Variants in PRKG1 observed in about 807,000 individuals in gnomAD.
PRKG1 encodes cGMP-dependent protein kinase 1.
Under a neutral mutation model 88.1 loss-of-function variants are expected in PRKG1, and 35 were observed. That is an observed-to-expected ratio of 0.40 (90% CI 0.30 to 0.53). The LOEUF (loss-of-function observed/expected upper bound fraction) is 0.53. PRKG1 is among the 20% of genes least tolerant of loss of function. The probability of loss-of-function intolerance (pLI) is 0.59; values close to 1 mark genes in which losing one functional copy is unlikely to be tolerated. For missense variants in PRKG1, 540 were observed against 839.8 expected (o/e 0.64, Z 4.41); for synonymous variants, 303 against 292.5 (o/e 1.04, Z -0.37).
Position 51,569,533 on chromosome 10 carries a change from G to T in PRKG1, c.592+101697G>T, listed in dbSNP as rs144538457. On this transcript the variant is annotated intron_variant, in intron 3 of 17. Coordinates refer to ENST00000373980, the MANE Select transcript of PRKG1 (RefSeq NM_006258.4). ...AAATGCTTTGTGTACTAAGCACTCG[G>T]ATGAGTACTTTATATACTTTATCTT... Among the ~76,000 whole-genome samples the T allele has an allele frequency of 2.0e-3, 306 of 152,108 alleles. 2 individuals carry two copies. The highest frequency in any genetic ancestry group is 7.1e-3 in the African/African-American group (293 of 41,516).
chr10:52,032,978 G>C (rs1845507843), intron 5 of PRKG1, among the ~76,000 whole-genome samples: 1 of 152,180 alleles, frequency 6.6e-6, no homozygotes, highest in African/African-American at 2.4e-5. Context: ...AAAGATAGTT[G>C]TCAGGGTATC....
chr10:52,004,725 A>C (rs1024662141), intron 5 of PRKG1, among the ~76,000 whole-genome samples: 1 of 152,132 alleles, frequency 6.6e-6, no homozygotes, highest in Non-Finnish European at 1.5e-5. Flanking sequence ...ATTTGCTGCT[A>C]TTGTTACCAT....
chr10:51,553,076 A>G (rs964092670), intron 3 of PRKG1, among the ~76,000 whole-genome samples: 14 of 151,704 alleles, frequency 9.2e-5, no homozygotes, highest in African/African-American at 3.1e-4. Context: ...TGCAACTCAT[A>G]TAATACCAGA....
intron 7 of PRKG1, among the ~76,000 whole-genome samples, chr10:52,093,691 C>G (rs949275383): frequency 6.6e-6 from 1 of 152,152 alleles, no homozygotes; most frequent in African/African-American, 2.4e-5. Context: ...TGCAAATAAT[C>G]ACCTCTGTTT....
intron 2 of PRKG1, among the ~76,000 whole-genome samples, chr10:51,398,969 G>C (rs533832101): frequency 6.6e-6 from 1 of 152,080 alleles, no homozygotes; most frequent in Non-Finnish European, 1.5e-5. Context: ...AGTTCCTCTG[G>C]TTCTCAAGCC....
intron 8 of PRKG1, 146 bp from the exon 9 acceptor site, chr10:52,161,743 A>G: frequency 1.5e-6 from 1 of 684,328 alleles, no homozygotes; most frequent in Non-Finnish European, 2.5e-6. Context: ...AAAATGTCTG[A>G]CATGCTTCTT....
chr10:51,925,215 T>TGTC (rs1842548638), intron 5 of PRKG1, among the ~76,000 whole-genome samples: 1 of 151,270 alleles, frequency 6.6e-6, no homozygotes. Context: ...TTTTGTCTGT[T>TGTC]TGGCAAGAAG....
At chr10:52,080,253 G>C (rs1442617552) in intron 7 of PRKG1, among the ~76,000 whole-genome samples, 2 of 151,940 alleles carry the variant, frequency 1.3e-5, no homozygotes. Context: ...CCACTTATAA[G>C]GTCCTGCTCA....
In PRKG1 at chr10:51,578,980, G is replaced by GTTTTTTTTTTTTTTTTTTTTT. The variant is rs752412264; in HGVS notation, c.592+111152_592+111172dup. ...GAAGAGTTTGGAATAAGTTCTGTTG[G>GTTTTTTTTTTTTTTTTTTTTT]TTTTTTTTTTTTTTTTTTTTTTTTT... On this transcript the variant is annotated intron_variant, in intron 3 of 17. Coordinates refer to ENST00000373980, the MANE Select transcript of PRKG1 (RefSeq NM_006258.4). Among the ~76,000 whole-genome samples the GTTTTTTTTTTTTTTTTTTTTT allele has an allele frequency of 2.4e-4, 19 of 77,824 alleles. 4 individuals carry two copies. The highest frequency in any genetic ancestry group is 3.7e-4 in the African/African-American group (7 of 18,896). The allele number at this position is 77,824 out of a possible 152,430, so 51.1% of individuals were successfully genotyped here.
chr10:51,547,075 C>G (rs1842459778), intron 3 of PRKG1, among the ~76,000 whole-genome samples: 1 of 151,986 alleles, frequency 6.6e-6, no homozygotes, highest in South Asian at 2.1e-4. Context: ...GCAGTAACCA[C>G]CCTGAAAACA....
intron 9 of PRKG1, among the ~76,000 whole-genome samples, chr10:52,171,325 G>T (rs1321766006): frequency 6.6e-6 from 1 of 152,054 alleles, no homozygotes; most frequent in Non-Finnish European, 1.5e-5. Context: ...AAATGGGAAC[G>T]ATATGTCAAT....
chr10:51,619,877 C>G (rs1839161994), intron 3 of PRKG1, among the ~76,000 whole-genome samples: 1 of 152,080 alleles, frequency 6.6e-6, no homozygotes, highest in Non-Finnish European at 1.5e-5. Flanking sequence ...TCTAGTAAGA[C>G]ATTGCTAGAG....
At chr10:52,177,037 G>C (rs1306932335) in intron 9 of PRKG1, among the ~76,000 whole-genome samples, 1 of 151,976 alleles carries the variant, frequency 6.6e-6, no homozygotes, top group African/African-American at 2.4e-5. Context: ...GCTCTGGCTA[G>C]GACTTCCAGT....
intron 5 of PRKG1, chr10:51,909,683 A>C (rs1842172917): frequency 6.6e-6 from 1 of 152,224 alleles, no homozygotes; most frequent in Non-Finnish European, 1.5e-5. Flanking sequence ...CTACTTTAAG[A>C]GACTGAGGAA....
intron 1 of PRKG1, among the ~76,000 whole-genome samples, chr10:51,148,514 G>A (rs997836669): frequency 6.6e-5 from 10 of 152,034 alleles, no homozygotes; most frequent in Non-Finnish European, 1.0e-4. Flanking sequence ...ACATTTCTGG[G>A]CAAGGCTGTT....
intron 3 of PRKG1, among the ~76,000 whole-genome samples, chr10:51,590,237 G>A (rs545906882): frequency 1.3e-3 from 197 of 152,190 alleles, no homozygotes; most frequent in Non-Finnish European, 2.3e-3. Flanking sequence ...AAGCAGAAAA[G>A]CACCAGTTAG....
intron 3 of PRKG1, among the ~76,000 whole-genome samples, chr10:51,595,677 TA>T (rs1838426893): frequency 6.6e-6 from 1 of 151,888 alleles, no homozygotes; most frequent in Non-Finnish European, 1.5e-5. Flanking sequence ...CTTTTTTCCA[TA>T]ATGAATCTGG....
At chr10:51,996,940 GC>G (rs980401371) in intron 5 of PRKG1, among the ~76,000 whole-genome samples, 1 of 152,044 alleles carries the variant, frequency 6.6e-6, no homozygotes, top group African/African-American at 2.4e-5. Context: ...ACAAAATTCA[GC>G]CATAAAAAAG....
chr10:51,347,249 G>T (rs551709129), intron 2 of PRKG1, among the ~76,000 whole-genome samples: 2 of 152,250 alleles, frequency 1.3e-5, no homozygotes, highest in African/African-American at 4.8e-5. Flanking sequence ...TGGAGTTGGG[G>T]TTAAGCACCT....
Sources: allele counts gnomAD v4.1 joint callset (sites outside exome capture counted in the v4.1 genomes callset), GRCh38; gene constraint gnomAD v4.1.1; transcripts MANE v1.5; gene names NCBI Gene and HGNC (gene_info 2026-07-23, HGNC 2026-07-21).